Variants in NSRP1 observed in about 807,000 individuals in gnomAD.
NSRP1 encodes nuclear speckle splicing regulatory protein 1, also known as coiled-coil domain containing 55.
Under a neutral mutation model 54.7 loss-of-function variants are expected in NSRP1, and 24 were observed. The ratio of observed to expected loss-of-function variants is 0.44; its 90% confidence interval spans 0.32 to 0.62. The LOEUF (loss-of-function observed/expected upper bound fraction) is 0.62. NSRP1 is among the 20% of genes least tolerant of loss of function. The pLI, the probability that NSRP1 is intolerant of heterozygous loss-of-function variation, is 0.06. For synonymous variants in NSRP1, 210 were observed against 213.8 expected (o/e 0.98, Z 0.15); for missense variants, 596 against 651.2 (o/e 0.92, Z 0.92).
intron 2 of NSRP1, among the ~76,000 whole-genome samples, chr17:30,165,782 A>G (rs1904709733): frequency 6.6e-6 from 1 of 152,224 alleles, no homozygotes; most frequent in South Asian, 2.1e-4. Flanking sequence ...CTGTTTATGG[A>G]CATACTGAAT....
intron 2 of NSRP1, among the ~76,000 whole-genome samples, chr17:30,142,059 G>A (rs1432004271): frequency 6.6e-6 from 1 of 152,118 alleles, no homozygotes; most frequent in Non-Finnish European, 1.5e-5. Flanking sequence ...TTGATTAGCT[G>A]TAGTTTCTTC....
chr17:30,178,148 GA>G lies in NSRP1; in HGVS notation c.257del (p.Lys86ArgfsTer23). On this transcript the variant is annotated frameshift_variant, in exon 4 of 7. Transcript: ENST00000247026. LOFTEE classifies it high-confidence loss of function. ...EYDSIYDEMQ[K>X]KKEENNPKLL... ...ATGACAGTATTTATGATGAAATGCAGAAAAAAAAGGAGGAAAATAATCCCAA... is the reference window on the plus strand; with the variant it reads ...ATGACAGTATTTATGATGAAATGCAGAAAAAAAGGAGGAAAATAATCCCAA... 3 of 1,602,716 alleles carry G rather than the reference GA, an allele frequency of 1.9e-6. No individual in the cohort carries two copies. Among genetic ancestry groups the G allele is most frequent in the South Asian group, 1.1e-5 (1 of 88,320 alleles).
At chr17:30,160,753 G>A (rs1381706352) in intron 2 of NSRP1, among the ~76,000 whole-genome samples, 2 of 152,156 alleles carry the variant, frequency 1.3e-5, no homozygotes, top group African/African-American at 4.8e-5. Flanking sequence ...CATCTGGTGT[G>A]TAGAAGACAC....
chr17:30,179,373 CACTG>C (rs1905227362), intron 5 of NSRP1, 76 bp downstream of exon 5: 1 of 1,446,104 alleles, frequency 6.9e-7, no homozygotes, highest in African/African-American at 1.4e-5. Context: ...TTTGCTCTGT[CACTG>C]AACTTTAGGG....
At chr17:30,182,850 C>T (rs780363956) in intron 6 of NSRP1, among the ~76,000 whole-genome samples, 2 of 152,002 alleles carry the variant, frequency 1.3e-5, no homozygotes, top group Admixed American at 6.6e-5. Flanking sequence ...AGGAGAATGG[C>T]GTGAACACAG....
chr17:30,147,702 A>G (rs2071869924), intron 2 of NSRP1, among the ~76,000 whole-genome samples: 1 of 151,558 alleles, frequency 6.6e-6, no homozygotes, highest in Non-Finnish European at 1.5e-5. Flanking sequence ...TGATGTCGTG[A>G]TCTGCCCGCC....
chr17:30,165,481 G>A (rs1450288251), intron 2 of NSRP1, among the ~76,000 whole-genome samples: 7 of 152,246 alleles, frequency 4.6e-5, no homozygotes, highest in Middle Eastern at 3.4e-3. Context: ...TTAAAAATAC[G>A]CTTTTTAAAA....
At chr17:30,142,342 G>A (rs1466253477) in intron 2 of NSRP1, among the ~76,000 whole-genome samples, 1 of 151,894 alleles carries the variant, frequency 6.6e-6, no homozygotes, top group East Asian at 1.9e-4. Flanking sequence ...TAGAGACGGG[G>A]CAGGGGTGGG....
Position 30,179,092 on chromosome 17 carries a change from C to T in NSRP1, c.303C>T (p.Pro101=), listed in dbSNP as rs748607164. 49 of 1,541,922 alleles carry T rather than the reference C, an allele frequency of 3.2e-5. No homozygotes were observed. Among genetic ancestry groups the T allele is most frequent in the Non-Finnish European group, 3.9e-5 (44 of 1,140,782 alleles). ...CTAAATCTTTTTTATTTCCTTAGCC[C>T]AAGTATATTCACAACTTGCTAAAAG... ...PKLLLGKDRK[P]KYIHNLLKAV... Residue 101 remains proline (P), a splice_region_variant and synonymous_variant, in exon 5 of 7, where the codon CCC becomes CCT. Coordinates refer to ENST00000247026, the MANE Select transcript of NSRP1 (RefSeq NM_032141.4).
chr17:30,131,178 T>C (rs1006096204), intron 2 of NSRP1, among the ~76,000 whole-genome samples: 6 of 152,362 alleles, frequency 3.9e-5, no homozygotes, highest in East Asian at 1.9e-4. Context: ...GTTTCAGTTA[T>C]AGCTTTTCTG....
Position 30,185,865 on chromosome 17 carries a change from A to G in NSRP1, c.*191A>G, listed in dbSNP as rs1198027116. 1 of 551,516 alleles carries G rather than the reference A, an allele frequency of 1.8e-6. No individual in the cohort carries two copies. The highest frequency in any genetic ancestry group is 3.1e-5 in the East Asian group (1 of 32,396). 34.2% of individuals were successfully genotyped at this position (551,516 alleles called of 1,614,324 possible). On this transcript the variant is annotated 3_prime_UTR_variant, in exon 7 of 7. Coordinates refer to ENST00000247026, the MANE Select transcript of NSRP1 (RefSeq NM_032141.4). ...TGTGGATGTTTGGCTGAATTTATAT[A>G]TAGTGTGTACTCATCAATACCACAT...
rs774619321 is a variant in NSRP1 at position 30,118,142 on chromosome 17, T to G, written c.83T>G (p.Val28Gly). 3 of 1,613,740 alleles carry G rather than the reference T, an allele frequency of 1.9e-6. No homozygotes were observed. Among genetic ancestry groups the G allele is most frequent in the Non-Finnish European group, 2.5e-6 (3 of 1,179,826 alleles). Reference sequence around the variant, plus strand: ...CACCCTGTTTTGCAAAAACCATCAGTGTTTGGGAATGATTCTGATGATGAT... The same window carrying G: ...CACCCTGTTTTGCAAAAACCATCAGGGTTTGGGAATGATTCTGATGATGAT... ...QLHPVLQKPS[V>G]FGNDSDDDDE... Residue 28 changes from valine (V) to glycine (G), a missense_variant, in exon 2 of 7, where the codon GTG becomes GGG. Transcript: ENST00000247026.
At chr17:30,121,570 G>GTTTTTTTTTTTTTTT (rs36072997) in intron 2 of NSRP1, among the ~76,000 whole-genome samples, 1 of 132,786 alleles carries the variant, frequency 7.5e-6, no homozygotes, top group Admixed American at 7.7e-5. Context: ...GTGTGTGTGT[G>GTTTTTTTTTTTTTTT]TTTTTTTTTT....
chr17:30,156,792 T>C (rs1302992911), intron 2 of NSRP1: 1 of 152,384 alleles, frequency 6.6e-6, no homozygotes, highest in Non-Finnish European at 1.5e-5. Flanking sequence ...GTGCTGAGAT[T>C]ACAGGTGTGA....
At chr17:30,162,253 A>T (rs896972097) in intron 2 of NSRP1, among the ~76,000 whole-genome samples, 1 of 151,762 alleles carries the variant, frequency 6.6e-6, no homozygotes, top group African/African-American at 2.4e-5. Context: ...GATTGTCTTG[A>T]TCTCCCAACC....
At chr17:30,117,187 G>T (rs112170621) in intron 1 of NSRP1, 2 of 688,534 alleles carry the variant, frequency 2.9e-6, no homozygotes. Context: ...GTTTCTCCCC[G>T]CTTGGATGCT....
intron 1 of NSRP1, chr17:30,117,186 C>T (rs1213495899): frequency 7.3e-6 from 5 of 688,818 alleles, no homozygotes; most frequent in Non-Finnish European, 1.3e-5. Flanking sequence ...AGTTTCTCCC[C>T]GCTTGGATGC....
intron 5 of NSRP1, among the ~76,000 whole-genome samples, chr17:30,180,461 A>G (rs1905256931): frequency 6.6e-6 from 1 of 152,208 alleles, no homozygotes; most frequent in Admixed American, 6.5e-5. Context: ...CATCCTCTTC[A>G]GCTTTTAAGT....
At chr17:30,178,030 G>A (rs770327086) in intron 3 of NSRP1, 41 bp from the exon 4 acceptor site, 25 of 1,602,096 alleles carry the variant, frequency 1.6e-5, no homozygotes, top group Non-Finnish European at 2.1e-5. Flanking sequence ...GTATCTATTG[G>A]CTGGCTCATA....
Sources: allele counts gnomAD v4.1 joint callset (sites outside exome capture counted in the v4.1 genomes callset), GRCh38; gene constraint gnomAD v4.1.1; transcripts MANE v1.5; gene names NCBI Gene and HGNC (gene_info 2026-07-23, HGNC 2026-07-21).